The following ERC1 variants were observed in gnomAD, a reference collection of about 807,000 sequenced individuals.
ERC1 encodes ELKS/RAB6-interacting/CAST family member 1, also known as RAB6 interacting protein 2.
In ERC1, 56 loss-of-function variants were observed where a neutral mutation model predicts 132.0. The ratio of observed to expected loss-of-function variants is 0.42; its 90% CI spans 0.34 to 0.53. The LOEUF (loss-of-function observed/expected upper bound fraction) is 0.53. Ranked by LOEUF, ERC1 falls within the 20% of genes least tolerant of loss-of-function variation. The pLI, the probability that ERC1 is intolerant of heterozygous loss-of-function variation, is 0.03. For synonymous variants in ERC1, 478 were observed against 476.1 expected, an observed-to-expected ratio of 1.00 and a Z score of -0.05; for missense variants, 1,202 against 1,349.9, an observed-to-expected ratio of 0.89 and a Z score of 1.72.
At chr12:1,324,895 C>T (rs971472346) in intron 15 of ERC1, among the ~76,000 whole-genome samples, 4 of 152,190 alleles carry the variant, frequency 2.6e-5, no homozygotes, top group African/African-American at 7.2e-5. Flanking sequence ...TTCATCCCCA[C>T]CTCACATGGG....
chr12:1,448,261 G>C (rs1451958254), intron 18 of ERC1, among the ~76,000 whole-genome samples: 2 of 152,158 alleles, frequency 1.3e-5, no homozygotes, highest in African/African-American at 4.8e-5. Context: ...GTTACTGTTT[G>C]AGGTGTGTGA....
At chr12:1,273,732 T>G (rs1253649103) in intron 14 of ERC1, among the ~76,000 whole-genome samples, 1 of 152,002 alleles carries the variant, frequency 6.6e-6, no homozygotes, top group Admixed American at 6.6e-5. Flanking sequence ...GACAGATGGG[T>G]GGGTGGATGG....
chr12:1,400,916 ATTTTTTTTTTTTTTTTTTTTTT>A (rs869202443), intron 16 of ERC1, among the ~76,000 whole-genome samples: 1 of 15,040 alleles, frequency 6.6e-5, no homozygotes, highest in Admixed American at 1.1e-3. Context: ...CTATTTTTGT[ATTTTTTTTTTTTTTTTTTTTTT>A]TTTTTTTTTT....
intron 2 of ERC1, among the ~76,000 whole-genome samples, chr12:1,071,453 G>A (rs1013668339): frequency 6.6e-5 from 10 of 152,020 alleles, no homozygotes; most frequent in African/African-American, 2.4e-4. Flanking sequence ...TGGTTAGTTA[G>A]TTCAATTGCT....
At chr12:1,337,379 T>G (rs2083405574) in intron 15 of ERC1, among the ~76,000 whole-genome samples, 1 of 152,102 alleles carries the variant, frequency 6.6e-6, no homozygotes. Flanking sequence ...GTAATCCTGC[T>G]TTTTTCTGTT....
intron 1 of ERC1, among the ~76,000 whole-genome samples, chr12:1,010,428 C>T (rs573677966): frequency 3.4e-5 from 5 of 146,756 alleles, no homozygotes; most frequent in Non-Finnish European, 6.0e-5. Context: ...TGCAGTGAGC[C>T]GAGATCATGC....
At chr12:1,447,522 A>C (rs1244652025) in intron 18 of ERC1, among the ~76,000 whole-genome samples, 1 of 150,856 alleles carries the variant, frequency 6.6e-6, no homozygotes, top group Non-Finnish European at 1.5e-5. Context: ...TCTCAAAAAC[A>C]AACAAACAGC....
intron 14 of ERC1, among the ~76,000 whole-genome samples, chr12:1,268,588 G>A (rs868270448): frequency 2.0e-5 from 3 of 152,064 alleles, no homozygotes; most frequent in South Asian, 2.1e-4. Context: ...AAGGCTTCCC[G>A]GAGGAGATTC....
At chr12:1,262,562 G>A (rs1404500221) in intron 13 of ERC1, among the ~76,000 whole-genome samples, 1 of 152,198 alleles carries the variant, frequency 6.6e-6, no homozygotes, top group Non-Finnish European at 1.5e-5. Context: ...ATCGTTTGCT[G>A]ACAATTGTCT....
intron 18 of ERC1, among the ~76,000 whole-genome samples, chr12:1,467,566 G>A (rs370138901): frequency 2.0e-5 from 3 of 152,168 alleles, no homozygotes; most frequent in African/African-American, 2.4e-5. Flanking sequence ...TTTCGGCACC[G>A]GGGACTGGTT....
chr12:1,269,706 T>C (rs1283202025), intron 14 of ERC1, among the ~76,000 whole-genome samples: 1 of 152,174 alleles, frequency 6.6e-6, no homozygotes, highest in Non-Finnish European at 1.5e-5. Context: ...CACCTGAAAG[T>C]GCATGAACAC....
At chr12:1,001,853 CTTTTTTTTTTT>C (rs869097939) in intron 1 of ERC1, among the ~76,000 whole-genome samples, 3 of 109,158 alleles carry the variant, frequency 2.7e-5, no homozygotes, top group African/African-American at 7.7e-5. Flanking sequence ...CTTGTAAAGT[CTTTTTTTTTTT>C]TTTTTTTTTT....
rs184653008 is a variant in ERC1, at chr12:1,111,610, T to C, written c.1318-605T>C. Among the ~76,000 whole-genome samples, 439 of 152,160 alleles carry C rather than the reference T, an allele frequency of 2.9e-3. 2 individuals are homozygous for C. Among genetic ancestry groups the C allele is most frequent in the Non-Finnish European group, 5.3e-3 (359 of 67,996 alleles). On this transcript the variant is annotated intron_variant, in intron 5 of 18. Transcript: ENST00000360905. ...AATTAAAAACTCACATACCCAACTT[T>C]TTTTTTTTTTCTTTTTCTTTTTTTT...
chr12:1,083,643 G>T, intron 3 of ERC1, 63 bp downstream of exon 3: 1 of 1,307,342 alleles, frequency 7.6e-7, no homozygotes, highest in Non-Finnish European at 1.1e-6. Context: ...TGATTAATCA[G>T]CATCTTGGCC....
At chr12:1,019,907 AT>A (rs961494459) in intron 1 of ERC1, among the ~76,000 whole-genome samples, 43 of 145,834 alleles carry the variant, frequency 2.9e-4, no homozygotes, top group Admixed American at 4.1e-4. Context: ...ATGCTGGGCT[AT>A]TTTTTTTTTT....
chr12:1,104,016 T>C (rs1944965740), intron 3 of ERC1, among the ~76,000 whole-genome samples: 1 of 141,950 alleles, frequency 7.0e-6, no homozygotes, highest in African/African-American at 2.6e-5. Flanking sequence ...ACTGATTTAT[T>C]TAGAGACATT....
intron 8 of ERC1, among the ~76,000 whole-genome samples, chr12:1,163,251 A>G (rs576591290): frequency 6.6e-6 from 1 of 152,250 alleles, no homozygotes; most frequent in East Asian, 1.9e-4. Flanking sequence ...ATTCTCTTAG[A>G]AAGGGAGGTT....
chr12:1,440,412 T>A (rs369525259), intron 17 of ERC1, among the ~76,000 whole-genome samples: 26 of 150,980 alleles, frequency 1.7e-4, no homozygotes, highest in African/African-American at 6.4e-4. Context: ...TTCACCGTGT[T>A]AGCCAGGATG....
At chr12:1,280,631 G>A (rs1183596754) in intron 14 of ERC1, among the ~76,000 whole-genome samples, 1 of 152,156 alleles carries the variant, frequency 6.6e-6, no homozygotes, top group East Asian at 1.9e-4. Flanking sequence ...ATTGAGATAA[G>A]TATTTGCAAG....
Sources: gnomAD v4.1 joint callset for allele counts (sites outside exome capture counted in the v4.1 genomes callset) on GRCh38, gnomAD v4.1.1 for gene constraint, MANE v1.5 for transcripts, NCBI Gene and HGNC (gene_info 2026-07-23, HGNC 2026-07-21) for gene names.